The following AGBL1 variants were observed in gnomAD, a reference collection of about 807,000 sequenced individuals.
The protein encoded by AGBL1 is cytosolic carboxypeptidase 4.
In AGBL1, 130 loss-of-function variants were observed where a neutral mutation model predicts 118.9. The observed-to-expected ratio is 1.09, with a 90% CI of 0.95 to 1.26. The LOEUF is 1.26. AGBL1 is among the 50% of genes most tolerant of loss of function. The probability of loss-of-function intolerance (pLI) is 0.00; values close to 1 mark genes in which losing one functional copy is unlikely to be tolerated. For missense variants in AGBL1, 1,584 were observed against 1,298.1 expected (o/e 1.22, Z -3.38); for synonymous variants, 555 against 478.9 (o/e 1.16, Z -2.08).
chr15:86,860,879 A>G (rs1460364089), intron 22 of AGBL1, among the ~76,000 whole-genome samples: 1 of 152,046 alleles, frequency 6.6e-6, no homozygotes, highest in Non-Finnish European at 1.5e-5. Flanking sequence ...GAGGTGAAAG[A>G]AGTTGAGGGA....
chr15:87,002,702 G>T (rs867064296), intron 24 of AGBL1, among the ~76,000 whole-genome samples: 73 of 152,142 alleles, frequency 4.8e-4, no homozygotes, highest in Admixed American at 1.2e-3. Flanking sequence ...ACATCCCTTG[G>T]AAGTTGGATT....
chr15:86,294,732 CTCTTT>C (rs2079604859), intron 16 of AGBL1, among the ~76,000 whole-genome samples: 1 of 151,884 alleles, frequency 6.6e-6, no homozygotes, highest in Non-Finnish European at 1.5e-5. Context: ...TTAGATTTGT[CTCTTT>C]TCTTTTTAAA....
chr15:86,668,520 T>G (rs1440221148), intron 21 of AGBL1, among the ~76,000 whole-genome samples: 1 of 152,210 alleles, frequency 6.6e-6, no homozygotes, highest in African/African-American at 2.4e-5. Flanking sequence ...AAAAAGACGT[T>G]TTTTTGGTAT....
rs114729339 is a variant in AGBL1, at chr15:86,461,976, C to T, written c.2556-60834C>T. 4.5e-3 allele frequency among the ~76,000 whole-genome samples: 686 copies of T among 152,278 alleles called. 8 individuals are homozygous for T. The highest frequency in any genetic ancestry group is 0.016 in the African/African-American group (657 of 41,562). On this transcript the variant is annotated intron_variant, in intron 18 of 22. Coordinates refer to ENST00000614907, the MANE Select transcript of AGBL1 (RefSeq NM_001386094.1). ...TACCATACAACCCCTCCCTGCCTCACGCAGCCCATACAAATTCTTAGCTCT... is the reference window on the plus strand; with the variant it reads ...TACCATACAACCCCTCCCTGCCTCATGCAGCCCATACAAATTCTTAGCTCT...
chr15:86,087,510 G>GT (rs1895742392), intron 1 of AGBL1, among the ~76,000 whole-genome samples: 1 of 152,016 alleles, frequency 6.6e-6, no homozygotes, highest in East Asian at 1.9e-4. Context: ...TGTATTTTTA[G>GT]TAGAGGCTGG....
intron 22 of AGBL1, among the ~76,000 whole-genome samples, chr15:86,825,680 G>A (rs2078999955): frequency 8.0e-6 from 1 of 125,734 alleles, no homozygotes. Context: ...AGGGAGGAAG[G>A]AAGGGAGAGA....
At chr15:86,200,934 A>C (rs1365068263) in intron 5 of AGBL1, among the ~76,000 whole-genome samples, 1 of 152,068 alleles carries the variant, frequency 6.6e-6, no homozygotes. Context: ...TGAATTCTTT[A>C]AATTGGAAAA....
intron 1 of AGBL1, among the ~76,000 whole-genome samples, chr15:86,111,403 G>C (rs1897372564): frequency 6.6e-6 from 1 of 152,100 alleles, no homozygotes; most frequent in Admixed American, 6.5e-5. Flanking sequence ...AGTGACCAGA[G>C]AGGAAATTTC....
At chr15:86,772,918 G>A (rs992033390) in intron 22 of AGBL1, among the ~76,000 whole-genome samples, 2 of 152,032 alleles carry the variant, frequency 1.3e-5, no homozygotes, top group Non-Finnish European at 2.9e-5. Context: ...TGACTGAAGA[G>A]AGAGGAAATG....
Position 86,637,581 on chromosome 15 carries a change from C to T in AGBL1, c.2995-36692C>T, listed in dbSNP as rs867907781. On this transcript the variant is annotated intron_variant, in intron 21 of 22. Coordinates refer to ENST00000614907, the MANE Select transcript of AGBL1 (RefSeq NM_001386094.1). The stretch of plus-strand genomic sequence containing the variant: ...TTTGGAGCTACAAAAATATTATGTA[C>T]AATATAAAGTATGGATTGGAAGCAG... Among the ~76,000 whole-genome samples, 14 of 152,156 alleles carry T rather than the reference C, an allele frequency of 9.2e-5. 1 individual carries two copies. Among genetic ancestry groups the T allele is most frequent in the South Asian group, 4.2e-4 (2 of 4,814 alleles).
chr15:86,318,363 C>A (rs1216494347), intron 17 of AGBL1, among the ~76,000 whole-genome samples: 1 of 151,956 alleles, frequency 6.6e-6, no homozygotes, highest in Non-Finnish European at 1.5e-5. Flanking sequence ...TTGTTATTTT[C>A]TTTTCTGTCT....
chr15:86,759,495 A>C (rs1243933111), intron 22 of AGBL1, among the ~76,000 whole-genome samples: 2 of 152,130 alleles, frequency 1.3e-5, no homozygotes, highest in Non-Finnish European at 2.9e-5. Flanking sequence ...AGTGCCCCCA[A>C]ATGTTCTTAT....
rs567900773 is a variant in AGBL1, at chr15:86,180,939, A to G, written c.488+21913A>G. ...AATATGCTCAACATCAGAATTAATT[A>G]GGGAAATTCATATTAAAACTGTAAT... On this transcript the variant is annotated intron_variant, in intron 5 of 22. Coordinates refer to ENST00000614907, the MANE Select transcript of AGBL1 (RefSeq NM_001386094.1). Among the ~76,000 whole-genome samples, 3 of 152,260 alleles carry G rather than the reference A, an allele frequency of 2.0e-5. No individual in the cohort carries two copies. The South Asian group carries it at 6.2e-4, about 32-fold the overall frequency.
intron 22 of AGBL1, among the ~76,000 whole-genome samples, chr15:86,806,259 A>G (rs971707450): frequency 2.0e-5 from 3 of 152,136 alleles, no homozygotes; most frequent in East Asian, 3.9e-4. Flanking sequence ...GGAAACTGGA[A>G]TGATCTCCAC....
intron 17 of AGBL1, among the ~76,000 whole-genome samples, chr15:86,337,547 T>C (rs560151525): frequency 6.6e-6 from 1 of 152,210 alleles, no homozygotes; most frequent in African/African-American, 2.4e-5. Context: ...TGAGATCATA[T>C]CCTTTGCAGG....
chr15:87,010,673 A>G (rs2081550080), intron 24 of AGBL1, among the ~76,000 whole-genome samples: 1 of 152,118 alleles, frequency 6.6e-6, no homozygotes, highest in Non-Finnish European at 1.5e-5. Flanking sequence ...GAATTACACC[A>G]TTACCTTCTC....
chr15:86,088,467 G>A (rs945289720), intron 1 of AGBL1: 1 of 152,280 alleles, frequency 6.6e-6, no homozygotes, highest in Non-Finnish European at 1.5e-5. Context: ...TGGAGAAAGT[G>A]CTGGTATCCG....
At chr15:86,726,469 G>T (rs937181122) in intron 22 of AGBL1, among the ~76,000 whole-genome samples, 3 of 152,200 alleles carry the variant, frequency 2.0e-5, no homozygotes, top group East Asian at 3.8e-4. Flanking sequence ...GAAAGCAATT[G>T]TAACCAATAG....
At chr15:86,969,666 G>C (rs1262721227) in intron 23 of AGBL1, among the ~76,000 whole-genome samples, 1 of 151,978 alleles carries the variant, frequency 6.6e-6, no homozygotes, top group Non-Finnish European at 1.5e-5. Context: ...TGTGGGTGTG[G>C]ATATAAGGGT....
Sources: gnomAD v4.1 joint callset for allele counts (sites outside exome capture counted in the v4.1 genomes callset) on GRCh38, gnomAD v4.1.1 for gene constraint, MANE v1.5 for transcripts, NCBI Gene and HGNC (gene_info 2026-07-23, HGNC 2026-07-21) for gene names.